Variants in RXFP1 observed in about 807,000 individuals in gnomAD.
The protein encoded by RXFP1 is relaxin family peptide receptor 1.
Under a neutral mutation model 89.8 loss-of-function variants are expected in RXFP1, and 73 were observed. That is an observed-to-expected ratio of 0.81 (90% CI 0.67 to 0.99). The LOEUF (loss-of-function observed/expected upper bound fraction) is 0.99. Among genes scored for constraint, RXFP1 ranks in the 50% least tolerant of loss-of-function variants. The pLI, the probability that RXFP1 is intolerant of heterozygous loss-of-function variation, is 0.00. For synonymous variants in RXFP1, 277 were observed against 305.5 expected, an observed-to-expected ratio of 0.91 and a Z score of 0.97; for missense variants, 793 against 895.5, an observed-to-expected ratio of 0.89 and a Z score of 1.46.
chr4:158,577,934 T>G (rs2150016145), intron 2 of RXFP1, among the ~76,000 whole-genome samples: 1 of 152,208 alleles, frequency 6.6e-6, no homozygotes, highest in East Asian at 1.9e-4. Flanking sequence ...TTATTAAGTA[T>G]AAAAAATAAA....
At chr4:158,648,022 A>AC (rs972469666) in intron 16 of RXFP1, among the ~76,000 whole-genome samples, 4 of 151,238 alleles carry the variant, frequency 2.6e-5, no homozygotes, top group Admixed American at 6.6e-5. Context: ...CTCAAAAAAA[A>AC]AAAAATTAGC....
intron 1 of RXFP1, among the ~76,000 whole-genome samples, chr4:158,537,872 G>GGATAGAGGGATA (rs1421935269): frequency 1.2e-4 from 19 of 152,200 alleles, no homozygotes; most frequent in Non-Finnish European, 2.4e-4. Flanking sequence ...GAATTTAAAG[G>GGATAGAGGGATA]GATAGAGGGA....
chr4:158,645,088 A>T lies in RXFP1; in HGVS notation c.1295A>T (p.Tyr432Phe), dbSNP rs76517567. Residue 432 changes from tyrosine (Y) to phenylalanine (F), a missense_variant, in exon 15 of 18, where the codon TAT becomes TTT. Physicochemically the swap from Tyr to Phe is conservative, Grantham distance 22 (BLOSUM62 3). Coordinates refer to ENST00000307765, the MANE Select transcript of RXFP1 (RefSeq NM_021634.4). The stretch of plus-strand genomic sequence containing the variant: ...ATTTTTGTCATTTGCATGCGACCTT[A>T]TATCAGGTCTGAGAACAAGCTGTAT... ...GNIFVICMRP[Y>F]IRSENKLYAM... 4,339 of 1,614,126 alleles carry T rather than the reference A, an allele frequency of 2.7e-3. 9 individuals are homozygous for T. The highest frequency in any genetic ancestry group is 8.9e-3 in the Middle Eastern group (54 of 6,060).
intron 2 of RXFP1, among the ~76,000 whole-genome samples, chr4:158,584,713 T>TG (rs1757974517): frequency 1.3e-5 from 2 of 152,258 alleles, no homozygotes; most frequent in South Asian, 4.1e-4. Context: ...CTGAGCCACC[T>TG]GGGGGGCTGT....
At chr4:158,642,704 C>T (rs969537981) in intron 14 of RXFP1, among the ~76,000 whole-genome samples, 2 of 152,166 alleles carry the variant, frequency 1.3e-5, no homozygotes, top group Non-Finnish European at 2.9e-5. Context: ...CCTAGGTTGA[C>T]TCCATATCTT....
chr4:158,631,381 T>G (rs1454496085), intron 11 of RXFP1, among the ~76,000 whole-genome samples: 1 of 152,146 alleles, frequency 6.6e-6, no homozygotes, highest in Non-Finnish European at 1.5e-5. Flanking sequence ...TAACTGGGGA[T>G]GGAGAAAACA....
At chr4:158,568,032 G>C (rs186529512) in intron 1 of RXFP1, among the ~76,000 whole-genome samples, 1 of 152,128 alleles carries the variant, frequency 6.6e-6, no homozygotes, top group Admixed American at 6.5e-5. Flanking sequence ...AAGCCATCAA[G>C]ACCACGAACC....
intron 1 of RXFP1, among the ~76,000 whole-genome samples, chr4:158,570,841 A>G (rs1387059530): frequency 2.0e-5 from 3 of 152,028 alleles, no homozygotes; most frequent in Non-Finnish European, 4.4e-5. Context: ...TCTCTACCTC[A>G]TCAACCTCAG....
chr4:158,551,969 T>A (rs1033615345), intron 1 of RXFP1, among the ~76,000 whole-genome samples: 7 of 152,022 alleles, frequency 4.6e-5, no homozygotes, highest in East Asian at 1.9e-4. Context: ...AAGAAATTTT[T>A]AAAAAATAAA....
intron 12 of RXFP1, among the ~76,000 whole-genome samples, chr4:158,635,671 GTAGTT>G (rs1769006242): frequency 1.3e-5 from 2 of 152,022 alleles, no homozygotes; most frequent in Admixed American, 1.3e-4. Flanking sequence ...ATTATGTGAG[GTAGTT>G]TCCTTTTATT....
intron 6 of RXFP1, among the ~76,000 whole-genome samples, chr4:158,611,506 C>T (rs1054411147): frequency 1.3e-5 from 2 of 152,132 alleles, no homozygotes; most frequent in East Asian, 1.9e-4. Context: ...ATGGTGAGGC[C>T]CCATTGAATT....
At chr4:158,547,556 G>A (rs1351859077) in intron 1 of RXFP1, among the ~76,000 whole-genome samples, 1 of 151,720 alleles carries the variant, frequency 6.6e-6, no homozygotes, top group Non-Finnish European at 1.5e-5. Context: ...TGTCAATTTT[G>A]GATCTTTCCT....
At chr4:158,522,155 T>C in intron 1 of RXFP1, 130 bp downstream of exon 1, 1 of 596,782 alleles carries the variant, frequency 1.7e-6, no homozygotes, top group Non-Finnish European at 2.9e-6. Context: ...TAATCTCACT[T>C]CAGAATTGTT....
chr4:158,619,544 A>G (rs978819340), intron 9 of RXFP1, among the ~76,000 whole-genome samples: 1 of 152,220 alleles, frequency 6.6e-6, no homozygotes. Context: ...TGGGAACCCC[A>G]TATGCAAGGG....
At position 158,593,426 on chromosome 4, in the gene RXFP1, A is replaced by T. The variant is rs2150069236; in HGVS notation, c.213A>T (p.Gln71His). ...NCGDNNGWSL[Q>H]FDKYFASYYK... ...GAGACAACAATGGATGGTCTCTGCA[A>T]TTTGACAAATATTTTGCCAGTTACT... The change falls in exon 3 of 18, where the codon CAA becomes CAT. Residue 71 changes from glutamine (Q) to histidine (H), a missense_variant. Coordinates refer to ENST00000307765, the MANE Select transcript of RXFP1 (RefSeq NM_021634.4). 6.2e-7 allele frequency: 1 copy of T among 1,611,656 alleles called. No individual in the cohort carries two copies. Among genetic ancestry groups the T allele is most frequent in the East Asian group, 2.2e-5 (1 of 44,756 alleles).
chr4:158,605,437 C>T (rs1033810882), intron 5 of RXFP1, among the ~76,000 whole-genome samples: 16 of 152,164 alleles, frequency 1.1e-4, no homozygotes, highest in Non-Finnish European at 2.1e-4. Flanking sequence ...TTATCCTCTG[C>T]GTTATTCTAG....
At chr4:158,630,388 A>C (rs1170398129) in intron 11 of RXFP1, among the ~76,000 whole-genome samples, 1 of 152,222 alleles carries the variant, frequency 6.6e-6, no homozygotes, top group Non-Finnish European at 1.5e-5. Flanking sequence ...GGGGAGATGC[A>C]GCTGGATGAT....
At chr4:158,571,127 C>A (rs911850661) in intron 1 of RXFP1, among the ~76,000 whole-genome samples, 5 of 152,118 alleles carry the variant, frequency 3.3e-5, no homozygotes, top group Non-Finnish European at 7.4e-5. Flanking sequence ...CTTTTTGGAC[C>A]TCTCCATAAA....
intron 3 of RXFP1, among the ~76,000 whole-genome samples, chr4:158,595,125 T>C (rs1476416292): frequency 2.0e-5 from 3 of 152,208 alleles, no homozygotes; most frequent in Non-Finnish European, 4.4e-5. Flanking sequence ...TGTTTATACA[T>C]AGAGCCACAG....
Sources: allele counts gnomAD v4.1 joint callset (sites outside exome capture counted in the v4.1 genomes callset), GRCh38; gene constraint gnomAD v4.1.1; transcripts MANE v1.5; gene names NCBI Gene and HGNC (gene_info 2026-07-23, HGNC 2026-07-21).